The following PALM2AKAP2 variants were observed in gnomAD, a reference collection of about 807,000 sequenced individuals.
PALM2AKAP2 encodes the protein PALM2 and AKAP2 fusion.
Under a neutral mutation model 71.5 loss-of-function variants are expected in PALM2AKAP2, and 37 were observed. The observed-to-expected ratio is 0.52, with a 90% confidence interval of 0.40 to 0.68. The LOEUF is 0.68. Among genes scored for constraint, PALM2AKAP2 ranks in the 30% least tolerant of loss-of-function variants. The probability of loss-of-function intolerance (pLI) is 0.00; values close to 1 mark genes in which losing one functional copy is unlikely to be tolerated. For synonymous variants in PALM2AKAP2, 468 were observed against 478.8 expected, an observed-to-expected ratio of 0.98 and a Z score of 0.29; for missense variants, 1,224 against 1,191.8, an observed-to-expected ratio of 1.03 and a Z score of -0.40.
At chr9:109,834,899 T>C (rs913181006) in intron 1 of PALM2AKAP2, among the ~76,000 whole-genome samples, 1 of 152,188 alleles carries the variant, frequency 6.6e-6, no homozygotes, top group African/African-American at 2.4e-5. Context: ...TTCGCTCAAT[T>C]CATCCCTTTA....
At chr9:110,032,275 T>C (rs775732172) in intron 7 of PALM2AKAP2, among the ~76,000 whole-genome samples, 3 of 152,118 alleles carry the variant, frequency 2.0e-5, no homozygotes, top group Admixed American at 6.6e-5. Context: ...AATCAACTTA[T>C]TGGCCAAGCA....
At chr9:109,835,771 C>T (rs1437252656) in intron 1 of PALM2AKAP2, among the ~76,000 whole-genome samples, 1 of 152,216 alleles carries the variant, frequency 6.6e-6, no homozygotes, top group African/African-American at 2.4e-5. Flanking sequence ...CCCATGGAGC[C>T]TTGCTCATTG....
intron 1 of PALM2AKAP2, among the ~76,000 whole-genome samples, chr9:109,798,475 TTG>T (rs1173561802): frequency 2.0e-5 from 3 of 152,150 alleles, no homozygotes; most frequent in Non-Finnish European, 2.9e-5. Flanking sequence ...AACCTCTGCC[TTG>T]TCTACACACT....
intron 6 of PALM2AKAP2, among the ~76,000 whole-genome samples, chr9:109,995,563 C>G (rs1293788002): frequency 6.6e-6 from 1 of 152,180 alleles, no homozygotes; most frequent in Non-Finnish European, 1.5e-5. Context: ...GAAGGAGGAG[C>G]AAAGTCACAT....
chr9:109,653,070 A>T (rs915855323), intron 1 of PALM2AKAP2, among the ~76,000 whole-genome samples: 1 of 152,096 alleles, frequency 6.6e-6, no homozygotes, highest in Non-Finnish European at 1.5e-5. Flanking sequence ...CCTGTATTAA[A>T]ACTAGTTTGA....
At chr9:109,842,989 A>G (rs1828742982) in intron 1 of PALM2AKAP2, among the ~76,000 whole-genome samples, 1 of 151,470 alleles carries the variant, frequency 6.6e-6, no homozygotes, top group Non-Finnish European at 1.5e-5. Context: ...AAAAATACAA[A>G]ATTTGCCGGG....
chr9:109,999,995 C>A (rs1331828155), intron 6 of PALM2AKAP2, among the ~76,000 whole-genome samples: 3 of 150,506 alleles, frequency 2.0e-5, no homozygotes, highest in African/African-American at 7.3e-5. Flanking sequence ...TGGACCATTC[C>A]ATTTTTCTCT....
chr9:109,732,958 G>A (rs1037290202), intron 1 of PALM2AKAP2, among the ~76,000 whole-genome samples: 5 of 152,316 alleles, frequency 3.3e-5, no homozygotes, highest in African/African-American at 1.2e-4. Context: ...CAAGGGATCA[G>A]GAGTAGAATG....
upstream of PALM2AKAP2, among the ~76,000 whole-genome samples, chr9:109,778,227 A>G (rs910806986): frequency 1.3e-5 from 2 of 152,174 alleles, no homozygotes; most frequent in South Asian, 2.1e-4. Context: ...TTCTATCTCC[A>G]TATCATTGGC....
At chr9:109,749,691 A>G (rs987173605) in intron 1 of PALM2AKAP2, among the ~76,000 whole-genome samples, 4 of 152,212 alleles carry the variant, frequency 2.6e-5, no homozygotes, top group Non-Finnish European at 5.9e-5. Flanking sequence ...GCTGTTGTCT[A>G]AAATCAGATG....
chr9:110,047,939 C>G (rs923842475), upstream of PALM2AKAP2, among the ~76,000 whole-genome samples: 2 of 152,192 alleles, frequency 1.3e-5, no homozygotes, highest in African/African-American at 2.4e-5. Context: ...TAATACAGCC[C>G]CAGTCTGCGG....
intron 1 of PALM2AKAP2, among the ~76,000 whole-genome samples, chr9:110,132,574 C>T (rs990581967): frequency 2.6e-5 from 4 of 152,000 alleles, no homozygotes; most frequent in South Asian, 2.1e-4. Flanking sequence ...AAGTGATCCA[C>T]CCACATTGGC....
intron 1 of PALM2AKAP2, among the ~76,000 whole-genome samples, chr9:109,767,022 T>A (rs967913672): frequency 1.5e-5 from 2 of 135,906 alleles, no homozygotes; most frequent in African/African-American, 6.3e-5. Context: ...GGGATTTACA[T>A]GGATTATCTA....
At chr9:109,787,138 C>G (rs993058798) in intron 1 of PALM2AKAP2, among the ~76,000 whole-genome samples, 1 of 152,178 alleles carries the variant, frequency 6.6e-6, no homozygotes, top group Non-Finnish European at 1.5e-5. Flanking sequence ...TCAGGAAGAC[C>G]TGGCGCAAGT....
chr9:109,947,397 T>C (rs1831533998), intron 6 of PALM2AKAP2, among the ~76,000 whole-genome samples: 1 of 152,204 alleles, frequency 6.6e-6, no homozygotes, highest in South Asian at 2.1e-4. Flanking sequence ...TGAGGCCAAG[T>C]GTAAAAACAG....
intron 1 of PALM2AKAP2, among the ~76,000 whole-genome samples, chr9:110,069,727 T>A (rs1588089680): frequency 1.3e-5 from 2 of 152,312 alleles, no homozygotes; most frequent in East Asian, 1.9e-4. Flanking sequence ...ACATGGCCCA[T>A]CTGCTTTGCA....
intron 1 of PALM2AKAP2, among the ~76,000 whole-genome samples, chr9:109,796,561 C>T (rs1827258532): frequency 6.6e-6 from 1 of 152,092 alleles, no homozygotes; most frequent in Non-Finnish European, 1.5e-5. Flanking sequence ...AAATAACTTC[C>T]CCTGAGACTG....
chr9:109,853,020 C>A (rs567457269), intron 1 of PALM2AKAP2, among the ~76,000 whole-genome samples: 1 of 152,134 alleles, frequency 6.6e-6, no homozygotes, highest in East Asian at 1.9e-4. Flanking sequence ...GTGCAAAAGC[C>A]CTTTGGTTTA....
upstream of PALM2AKAP2, among the ~76,000 whole-genome samples, chr9:109,778,610 A>G (rs1306062890): frequency 2.6e-5 from 4 of 152,186 alleles, no homozygotes; most frequent in African/African-American, 9.7e-5. Flanking sequence ...TGGGAAAACA[A>G]TCCATCAGTA....
Sources: allele counts gnomAD v4.1 joint callset (sites outside exome capture counted in the v4.1 genomes callset), GRCh38; gene constraint gnomAD v4.1.1; transcripts MANE v1.5; gene names NCBI Gene and HGNC (gene_info 2026-07-23, HGNC 2026-07-21).